PPP2R5D: variants seen among roughly 807,000 people sequenced by gnomAD.
The protein encoded by PPP2R5D is protein phosphatase 2 regulatory subunit B'delta, also known as serine/threonine-protein phosphatase 2A 56 kDa regulatory subunit delta isoform.
In PPP2R5D, 12 loss-of-function variants were observed where a neutral mutation model predicts 79.1. The observed-to-expected ratio is 0.15, with a 90% CI of 0.10 to 0.25. The LOEUF (loss-of-function observed/expected upper bound fraction) is 0.25. Among genes scored for constraint, PPP2R5D ranks in the 10% least tolerant of loss-of-function variants. PPP2R5D has a pLI of 1.00. For missense variants in PPP2R5D, 419 were observed against 760.2 expected (o/e 0.55, Z 5.28); for synonymous variants, 277 against 286.6 (o/e 0.97, Z 0.34).
chr6:42,984,598 C>G lies in PPP2R5D; in HGVS notation c.-80C>G, dbSNP rs1041159642. ...GCGCGCAGGCGGTGGCGAAGAGACG[C>G]CGAGCGGGCCGAGTGCGGCCGAGCA... On this transcript the variant is annotated 5_prime_UTR_variant, in exon 1 of 16. Coordinates refer to ENST00000485511, the MANE Select transcript of PPP2R5D (RefSeq NM_006245.4). 7.3e-6 allele frequency: 11 copies of G among 1,507,470 alleles called. No homozygotes were observed. The highest frequency in any genetic ancestry group is 1.4e-5 in the African/African-American group (1 of 69,434). 93.4% of individuals were successfully genotyped at this position (1,507,470 alleles called of 1,614,324 possible). A position where few individuals can be genotyped will look rare whatever the true frequency, so the allele number is the denominator to read the frequency against.
In PPP2R5D at chr6:43,007,104, C is replaced by T. The variant is rs143756218; in HGVS notation, c.516C>T (p.Val172=). 40 of 1,614,140 alleles carry T rather than the reference C, an allele frequency of 2.5e-5. No homozygotes were observed. The African/African-American group carries it at 4.8e-4, about 19-fold the overall frequency. Residue 172 remains valine, a synonymous_variant, in exon 4 of 16, where the codon GTC becomes GTT. Transcript: ENST00000485511. This position sits in a 1 kb window ranked among gnomAD's most constrained non-coding sequence, Gnocchi z 4.5. The stretch of plus-strand genomic sequence containing the variant: ...CTGAGGCCATTTACCCTGAGGCTGT[C>T]ACCATGGTGGGCACAGGGAAAGGAC... The part of the protein sequence containing the change: ...VVTEAIYPEA[V]TMFSVNLFRT...
Position 43,008,198 on chromosome 6 carries a change from C to T in PPP2R5D, c.858-3C>T, listed in dbSNP as rs1762190332. 1 of 1,614,004 alleles carries T rather than the reference C, an allele frequency of 6.2e-7. No homozygotes were observed. Among genetic ancestry groups the T allele is most frequent in the African/African-American group, 1.3e-5 (1 of 74,898 alleles). On this transcript the variant is annotated splice_region_variant and splice_polypyrimidine_tract_variant and intron_variant, in intron 7 of 15. Coordinates refer to ENST00000485511, the MANE Select transcript of PPP2R5D (RefSeq NM_006245.4). The surrounding 1 kb of genome is among the most constrained non-coding windows in gnomAD (Gnocchi z 4.2). ...GTCAAGAGAGCCATTTTTCTTCCCT[C>T]AGGTTCATCTACGAGACGGAGCATC...
chr6:42,995,952 C>G (rs1468878474), intron 2 of PPP2R5D, among the ~76,000 whole-genome samples: 1 of 151,118 alleles, frequency 6.6e-6, no homozygotes, highest in African/African-American at 2.4e-5. Context: ...GCTCCGCCCC[C>G]CGGGGTTCAC....
chr6:43,007,053 C>T lies in PPP2R5D; in HGVS notation c.465C>T (p.Tyr155=), dbSNP rs773349471. ...KRAGLNEMVE[Y]ITHSRDVVTE... is the part of the protein sequence containing the mutation. ...CAGGACTCAACGAGATGGTGGAGTA[C>T]ATCACCCATAGCCGTGATGTTGTCA... The change falls in exon 4 of 16, where the codon TAC becomes TAT. Residue 155 remains tyrosine (Y), a synonymous_variant. Coordinates refer to ENST00000485511, the MANE Select transcript of PPP2R5D (RefSeq NM_006245.4). The surrounding 1 kb of genome is among the most constrained non-coding windows in gnomAD (Gnocchi z 4.5). The T allele has an allele frequency of 6.2e-7, 1 of 1,614,156 alleles. No individual in the cohort carries two copies. Among genetic ancestry groups the T allele is most frequent in the East Asian group, 2.2e-5 (1 of 44,882 alleles).
chr6:42,984,615 G>T lies in PPP2R5D; in HGVS notation c.-63G>T, dbSNP rs1009836456. 4 of 1,551,180 alleles carry T rather than the reference G, an allele frequency of 2.6e-6. No homozygotes were observed. The African/African-American group carries it at 4.2e-5, about 16-fold the overall frequency. ...AAGAGACGCCGAGCGGGCCGAGTGCGGCCGAGCAAAGCCGGAGCCGGAGCG... is the reference window on the plus strand; with the variant it reads ...AAGAGACGCCGAGCGGGCCGAGTGCTGCCGAGCAAAGCCGGAGCCGGAGCG... On this transcript the variant is annotated 5_prime_UTR_variant, in exon 1 of 16. Transcript: ENST00000485511.
chr6:43,002,911 C>T (rs1471880966), intron 2 of PPP2R5D, among the ~76,000 whole-genome samples: 2 of 152,062 alleles, frequency 1.3e-5, no homozygotes, highest in Admixed American at 1.3e-4. Flanking sequence ...GTGAGGGTAC[C>T]CAGCTGGACA....
intron 2 of PPP2R5D, among the ~76,000 whole-genome samples, chr6:42,994,578 G>A (rs574221234): frequency 1.3e-5 from 2 of 152,246 alleles, no homozygotes; most frequent in South Asian, 2.1e-4. Flanking sequence ...GCCGAGGCGG[G>A]CGGATCACCT....
At position 43,001,680 on chromosome 6, in the gene PPP2R5D, C is replaced by A. The variant is rs569378652; in HGVS notation, c.106-4783C>A. 1.5e-4 allele frequency among the ~76,000 whole-genome samples: 23 copies of A among 151,938 alleles called. No individual in the cohort carries two copies. The East Asian group carries it at 4.3e-3, about 28-fold the overall frequency. ...CGGGCGGATCATGAGGTCAGGAGAT[C>A]GAGATCAGCCTGGCTAACATGGTGA... On this transcript the variant is annotated intron_variant, in intron 2 of 15. Coordinates refer to ENST00000485511, the MANE Select transcript of PPP2R5D (RefSeq NM_006245.4).
At chr6:43,001,729 G>A (rs1010961275) in intron 2 of PPP2R5D, among the ~76,000 whole-genome samples, 4 of 151,600 alleles carry the variant, frequency 2.6e-5, no homozygotes, top group African/African-American at 4.8e-5. Context: ...CTAAAAATAC[G>A]ACAAAAAATT....
Position 43,000,005 on chromosome 6 carries a change from G to A in PPP2R5D, c.106-6458G>A, listed in dbSNP as rs181881957. Among the ~76,000 whole-genome samples, 500 of 151,822 alleles carry A rather than the reference G, an allele frequency of 3.3e-3. 1 individual carries two copies. The highest frequency in any genetic ancestry group is 5.8e-3 in the Non-Finnish European group (393 of 67,964). ...TGCTAGAGTGCAGTGGCGTGAGCTC[G>A]GCTCACTGCAACCTCCGCCTCCCAG... On this transcript the variant is annotated intron_variant, in intron 2 of 15. Coordinates refer to ENST00000485511, the MANE Select transcript of PPP2R5D (RefSeq NM_006245.4).
chr6:42,996,916 T>C (rs1412522023), intron 2 of PPP2R5D, among the ~76,000 whole-genome samples: 1 of 152,214 alleles, frequency 6.6e-6, no homozygotes, highest in Admixed American at 6.5e-5. Flanking sequence ...ATATTTAATC[T>C]TTGCATTTTT....
chr6:42,996,393 G>A (rs1771692920), intron 2 of PPP2R5D, among the ~76,000 whole-genome samples: 1 of 151,574 alleles, frequency 6.6e-6, no homozygotes, highest in South Asian at 2.1e-4. Context: ...GAAACTGGGA[G>A]GCGGAGCTTG....
In PPP2R5D at chr6:43,010,388, C is replaced by T; in HGVS notation, c.1380-80C>T. 3.6e-6 allele frequency: 4 copies of T among 1,111,152 alleles called. No individual in the cohort carries two copies. The highest frequency in any genetic ancestry group is 1.4e-6 in the Non-Finnish European group (1 of 727,880). The allele number at this position is 1,111,152 out of a possible 1,614,324, so 68.8% of individuals were successfully genotyped here. A position where few individuals can be genotyped will look rare whatever the true frequency, so the allele number is the denominator to read the frequency against. Reference sequence around the variant, plus strand: ...TGACAAAGCTCTTAGCAGAGATACCCCTGTGAGAGAACAAATTGGGTTCCT... The same window carrying T: ...TGACAAAGCTCTTAGCAGAGATACCTCTGTGAGAGAACAAATTGGGTTCCT... On this transcript the variant is annotated intron_variant, in intron 12 of 15. Coordinates refer to ENST00000485511, the MANE Select transcript of PPP2R5D (RefSeq NM_006245.4). This position sits in a 1 kb window ranked among gnomAD's most constrained non-coding sequence, Gnocchi z 4.7.
Position 43,009,513 on chromosome 6 carries a change from G to A in PPP2R5D, c.1379+64G>A. 6.2e-7 allele frequency: 1 copy of A among 1,603,294 alleles called. No individual in the cohort carries two copies. Among genetic ancestry groups the A allele is most frequent in the Non-Finnish European group, 8.5e-7 (1 of 1,173,086 alleles). On this transcript the variant is annotated intron_variant, in intron 12 of 15. Coordinates refer to ENST00000485511, the MANE Select transcript of PPP2R5D (RefSeq NM_006245.4). This position sits in a 1 kb window ranked among gnomAD's most constrained non-coding sequence, Gnocchi z 5.6. ...TTTGGGAAACTTTGAGGGTATGGAA[G>A]AACTAAAGAGCCAGGGGTCTCACCT... is the stretch of plus-strand genomic sequence containing the variant.
At chr6:43,004,157 G>A (rs112174502) in intron 2 of PPP2R5D, among the ~76,000 whole-genome samples, 1,795 of 152,216 alleles carry the variant, frequency 0.012, 35 homozygotes, top group African/African-American at 0.04. Context: ...CAAGTAGCTG[G>A]GACTACAGGC....
intron 2 of PPP2R5D, among the ~76,000 whole-genome samples, chr6:42,993,996 C>T (rs1416894343): frequency 6.6e-6 from 1 of 152,180 alleles, no homozygotes; most frequent in African/African-American, 2.4e-5. Context: ...ATTCCCATTT[C>T]ACAGATGAAA....
At position 43,011,388 on chromosome 6, in the gene PPP2R5D, C is replaced by A; in HGVS notation, c.*102C>A. 1.4e-6 allele frequency: 2 copies of A among 1,474,226 alleles called. No individual in the cohort carries two copies. The highest frequency in any genetic ancestry group is 1.4e-5 in the African/African-American group (1 of 71,520). The allele number at this position is 1,474,226 out of a possible 1,614,324, so 91.3% of individuals were successfully genotyped here. Reference sequence around the variant, plus strand: ...TACTGGCTGTCTTGGGGGAAGGCAGCGCCTCTCTAGCTACTCAAGGGAGGG... The same window carrying A: ...TACTGGCTGTCTTGGGGGAAGGCAGAGCCTCTCTAGCTACTCAAGGGAGGG... On this transcript the variant is annotated 3_prime_UTR_variant, in exon 16 of 16. Transcript: ENST00000485511.
rs80332541 is a variant in PPP2R5D at position 42,990,005 on chromosome 6, G to A, written c.105+317G>A. 9.9e-3 allele frequency among the ~76,000 whole-genome samples: 1,504 copies of A among 152,050 alleles called. 28 individuals carry two copies. The highest frequency in any genetic ancestry group is 0.034 in the African/African-American group (1,399 of 41,504). ...GGTTCTGGGATCCTGGGCAAAAGGGGAAAAGTCCACAGACACTTGATGGGG... is the reference window on the plus strand; with the variant it reads ...GGTTCTGGGATCCTGGGCAAAAGGGAAAAAGTCCACAGACACTTGATGGGG... On this transcript the variant is annotated intron_variant, in intron 2 of 15. Transcript: ENST00000485511.
intron 2 of PPP2R5D, among the ~76,000 whole-genome samples, chr6:42,990,802 C>T (rs1047683441): frequency 6.3e-4 from 95 of 149,852 alleles, no homozygotes; most frequent in African/African-American, 2.2e-3. Context: ...CTCCACCTCC[C>T]GGGTTCAAGC....
Sources: allele counts gnomAD v4.1 joint callset (sites outside exome capture counted in the v4.1 genomes callset), GRCh38; gene constraint gnomAD v4.1.1; non-coding constraint Gnocchi (gnomAD v3.1); transcripts MANE v1.5; gene names NCBI Gene and HGNC (gene_info 2026-07-23, HGNC 2026-07-21).